EIF4G3: variants seen among roughly 807,000 people sequenced by gnomAD.
EIF4G3 encodes the protein eIF-4-gamma 3.
EIF4G3 carries 34 observed loss-of-function variants against 186.4 expected under a neutral mutation model. The observed-to-expected ratio is 0.18, with a 90% CI of 0.14 to 0.24. The LOEUF is 0.24. EIF4G3 is among the 10% of genes least tolerant of loss of function. The pLI is 1.00. For missense variants in EIF4G3, 1,536 were observed against 1,948.5 expected (o/e 0.79, Z 3.99); for synonymous variants, 673 against 679.5 (o/e 0.99, Z 0.15).
chr1:21,013,961 G>C (rs906794845), intron 4 of EIF4G3, among the ~76,000 whole-genome samples: 1 of 152,228 alleles, frequency 6.6e-6, no homozygotes, highest in Non-Finnish European at 1.5e-5. Context: ...CCTGAGATCA[G>C]GAGTTCGAGA....
At chr1:20,912,401 G>A (rs72976279) in intron 14 of EIF4G3, among the ~76,000 whole-genome samples, 1,715 of 149,072 alleles carry the variant, frequency 0.012, 17 homozygotes, top group Admixed American at 0.029. Context: ...GCCACATAAC[G>A]GCTAAGTAAG....
intron 2 of EIF4G3, among the ~76,000 whole-genome samples, chr1:21,150,813 C>G (rs1229185109): frequency 2.0e-5 from 3 of 152,034 alleles, no homozygotes; most frequent in Non-Finnish European, 4.4e-5. Flanking sequence ...CCCGTTTCTA[C>G]TAAAAATACA....
intron 4 of EIF4G3, 134 bp from the exon 5 acceptor site, chr1:21,002,942 T>C: frequency 2.0e-6 from 1 of 512,512 alleles, no homozygotes; most frequent in Non-Finnish European, 3.5e-6. Context: ...AAAATTTAAC[T>C]TTATTACAAT....
At chr1:20,895,331 C>T (rs2087599236) in intron 17 of EIF4G3, 37 bp downstream of exon 17, 4 of 1,594,430 alleles carry the variant, frequency 2.5e-6, no homozygotes, top group Non-Finnish European at 2.6e-6. Context: ...TCAGTTCCCA[C>T]CAAAAAGAAC....
intron 4 of EIF4G3, among the ~76,000 whole-genome samples, chr1:21,004,692 G>A (rs1387778541): frequency 6.6e-6 from 1 of 152,080 alleles, no homozygotes; most frequent in African/African-American, 2.4e-5. Context: ...GAAAGTATTA[G>A]CATCTGTTGA....
At chr1:21,053,680 G>T (rs374607024) in intron 3 of EIF4G3, among the ~76,000 whole-genome samples, 1 of 132,802 alleles carries the variant, frequency 7.5e-6, no homozygotes, top group Non-Finnish European at 1.7e-5. Context: ...GAAGTGAGGA[G>T]CCCCTCTGCC....
Position 20,973,174 on chromosome 1 carries a change from T to C in EIF4G3, c.494-75A>G, listed in dbSNP as rs564476505. ...CTACAGAACTAGCAATGACACTGTG[T>C]CTCTGCACAATCCCCTTAAAAGGGT... On this transcript the variant is annotated intron_variant, in intron 10 of 36. Coordinates refer to ENST00000602326, the MANE Select transcript of EIF4G3 (RefSeq NM_001391906.1). 29 of 1,075,682 alleles carry C rather than the reference T, an allele frequency of 2.7e-5. No homozygotes were observed. In the South Asian group the frequency reaches 3.8e-4, roughly 14 times the overall value. The allele number at this position is 1,075,682 out of a possible 1,614,324, so 66.6% of individuals were successfully genotyped here. A position where few individuals can be genotyped will look rare whatever the true frequency, so the allele number is the denominator to read the frequency against.
At chr1:20,883,099 T>C (rs2082928239) in intron 19 of EIF4G3, among the ~76,000 whole-genome samples, 1 of 151,884 alleles carries the variant, frequency 6.6e-6, no homozygotes, top group Non-Finnish European at 1.5e-5. Context: ...AAAAAAACAT[T>C]TCGCTATAAC....
chr1:20,895,639 G>T, intron 16 of EIF4G3, 138 bp from the exon 17 acceptor site: 1 of 936,704 alleles, frequency 1.1e-6, no homozygotes, highest in Non-Finnish European at 1.5e-6. Context: ...CTATAATGAA[G>T]CTGAAAGGTT....
chr1:20,874,778 A>G (rs2080268473), intron 20 of EIF4G3, among the ~76,000 whole-genome samples: 1 of 152,134 alleles, frequency 6.6e-6, no homozygotes, highest in Non-Finnish European at 1.5e-5. Flanking sequence ...ATCTTTCCCT[A>G]CTCAAAAGTT....
In EIF4G3 at chr1:21,129,133, T is replaced by G. The variant is rs1201949956; in HGVS notation, c.-271-39920A>C. Among the ~76,000 whole-genome samples the G allele has an allele frequency of 2.0e-5, 3 of 151,550 alleles. No individual in the cohort carries two copies. The East Asian group carries it at 5.8e-4, about 29-fold the overall frequency. On this transcript the variant is annotated intron_variant, in intron 2 of 36. Transcript: ENST00000602326. ...TTCAAGACCAGCCTGGCCAACATGG[T>G]GAAACCCCATCTCTACTAAAAATAC... is the stretch of plus-strand genomic sequence containing the variant.
At chr1:20,913,453 G>A (rs1394310230) in intron 14 of EIF4G3, among the ~76,000 whole-genome samples, 3 of 152,104 alleles carry the variant, frequency 2.0e-5, no homozygotes, top group Non-Finnish European at 4.4e-5. Flanking sequence ...CAGGAGGATT[G>A]CTTGAGCCCA....
chr1:20,831,544 T>C (rs2065187713), intron 30 of EIF4G3, among the ~76,000 whole-genome samples: 1 of 151,750 alleles, frequency 6.6e-6, no homozygotes, highest in South Asian at 2.1e-4. Context: ...ATTTTTCTTT[T>C]TTTTTTTTTA....
At chr1:21,176,563 CCCGACGCCGCCG>C (rs2098113592) in intron 1 of EIF4G3, among the ~76,000 whole-genome samples, 147 bp downstream of exon 1, 1 of 132,198 alleles carries the variant, frequency 7.6e-6, no homozygotes, top group Admixed American at 7.5e-5. Context: ...GTCACACACG[CCCGACGCCGCCG>C]CCGCCGCCGC....
At chr1:20,873,654 T>C (rs1572020408) in intron 20 of EIF4G3, among the ~76,000 whole-genome samples, 1 of 151,856 alleles carries the variant, frequency 6.6e-6, no homozygotes, top group Middle Eastern at 3.4e-3. Flanking sequence ...TACAGAACTA[T>C]GGTTTATCTT....
Position 20,981,235 on chromosome 1 carries a change from G to A in EIF4G3, c.199-8C>T, listed in dbSNP as rs774926668. On this transcript the variant is annotated splice_polypyrimidine_tract_variant and splice_region_variant and intron_variant, in intron 8 of 36. Coordinates refer to ENST00000602326, the MANE Select transcript of EIF4G3 (RefSeq NM_001391906.1). ...TTGAGGCCTCTGGAAAAACTGGGAAGGGGAGAAAAAAAAAATTTTTTTTTT... is the reference window on the plus strand; with the variant it reads ...TTGAGGCCTCTGGAAAAACTGGGAAAGGGAGAAAAAAAAAATTTTTTTTTT... 9 of 1,554,130 alleles carry A rather than the reference G, an allele frequency of 5.8e-6. No individual in the cohort carries two copies. In the South Asian group the frequency reaches 7.4e-5, roughly 13 times the overall value.
intron 11 of EIF4G3, among the ~76,000 whole-genome samples, chr1:20,971,481 A>G (rs1168054466): frequency 6.6e-6 from 1 of 152,152 alleles, no homozygotes; most frequent in Non-Finnish European, 1.5e-5. Context: ...TTCAAGTCCA[A>G]CTTCTATCAT....
chr1:21,011,611 T>C (rs972620962), intron 4 of EIF4G3, among the ~76,000 whole-genome samples: 4 of 152,182 alleles, frequency 2.6e-5, no homozygotes, highest in Non-Finnish European at 5.9e-5. Context: ...ATACAAAATA[T>C]TCCTTGACAA....
chr1:20,935,663 A>G (rs1267459245), intron 14 of EIF4G3, among the ~76,000 whole-genome samples: 1 of 152,220 alleles, frequency 6.6e-6, no homozygotes, highest in Non-Finnish European at 1.5e-5. Context: ...TGGGGTATCC[A>G]TCACCTCAAG....
Sources: gnomAD v4.1 joint callset for allele counts (sites outside exome capture counted in the v4.1 genomes callset) on GRCh38, gnomAD v4.1.1 for gene constraint, MANE v1.5 for transcripts, NCBI Gene and HGNC (gene_info 2026-07-23, HGNC 2026-07-21) for gene names.